Variants in SPATS2L observed in about 807,000 individuals in gnomAD.
SPATS2L encodes the protein SPATS2-like protein.
A neutral mutation model predicts 59.6 loss-of-function variants in SPATS2L; 30 were observed. The observed-to-expected ratio is 0.50, with a 90% confidence interval of 0.38 to 0.68. The LOEUF is 0.68. SPATS2L is among the 30% of genes least tolerant of loss of function. SPATS2L has a pLI of 0.00. For synonymous variants in SPATS2L, 252 were observed against 263.5 expected (o/e 0.96, Z 0.42); for missense variants, 615 against 700.0 (o/e 0.88, Z 1.37).
At chr2:200,420,473 T>C (rs578088831) in intron 6 of SPATS2L, among the ~76,000 whole-genome samples, 5 of 152,246 alleles carry the variant, frequency 3.3e-5, no homozygotes, top group Non-Finnish European at 7.3e-5. Context: ...ATATTGTGGA[T>C]ACTGTTTTAC....
intron 1 of SPATS2L, among the ~76,000 whole-genome samples, chr2:200,313,249 T>C (rs1417741106): frequency 6.6e-6 from 1 of 152,114 alleles, no homozygotes; most frequent in Non-Finnish European, 1.5e-5. Context: ...TTAGGAGCAG[T>C]TTGAAGGTGT....
At chr2:200,463,199 C>T (rs146269628) in intron 9 of SPATS2L, 189 of 152,202 alleles carry the variant, frequency 1.2e-3, no homozygotes, top group African/African-American at 4.2e-3. Context: ...TTTCTCCCCA[C>T]TAACTACAGA....
chr2:200,455,844 C>T (rs536609492), intron 8 of SPATS2L, among the ~76,000 whole-genome samples: 46 of 152,280 alleles, frequency 3.0e-4, no homozygotes, highest in South Asian at 1.9e-3. Flanking sequence ...AAGAAGATTC[C>T]ACAGAACATG....
intron 2 of SPATS2L, among the ~76,000 whole-genome samples, chr2:200,340,531 G>A (rs984316089): frequency 1.3e-5 from 2 of 152,126 alleles, no homozygotes; most frequent in Admixed American, 1.3e-4. Flanking sequence ...AGTGTTGCCA[G>A]CTGCCATCTT....
At chr2:200,457,187 C>T (rs536087480) in intron 8 of SPATS2L, among the ~76,000 whole-genome samples, 1 of 151,450 alleles carries the variant, frequency 6.6e-6, no homozygotes, top group East Asian at 1.9e-4. Context: ...TAGCAGTGCC[C>T]CTCTCTAAGA....
Position 200,412,303 on chromosome 2 carries a change from C to A in SPATS2L, c.40-8C>A. 3 of 1,385,984 alleles carry A rather than the reference C, an allele frequency of 2.2e-6. No homozygotes were observed. Among genetic ancestry groups the A allele is most frequent in the Non-Finnish European group, 2.9e-6 (3 of 1,032,906 alleles). 85.9% of individuals were successfully genotyped at this position (1,385,984 alleles called of 1,614,324 possible). ...ATTTCTATTTCTTTTTTTTTTTTTC[C>A]TTTACAGATCTATGCAGTTAGATCA... is the stretch of plus-strand genomic sequence containing the variant. On this transcript the variant is annotated splice_region_variant and splice_polypyrimidine_tract_variant and intron_variant, in intron 3 of 12. Coordinates refer to ENST00000409140, the MANE Select transcript of SPATS2L (RefSeq NM_001100423.2).
chr2:200,341,371 C>T (rs747513717), intron 2 of SPATS2L, among the ~76,000 whole-genome samples: 3 of 152,044 alleles, frequency 2.0e-5, no homozygotes, highest in African/African-American at 4.8e-5. Context: ...TCCTCATCTC[C>T]GAAATGGGAA....
chr2:200,404,056 G>A (rs1382202667), intron 3 of SPATS2L, among the ~76,000 whole-genome samples: 1 of 152,164 alleles, frequency 6.6e-6, no homozygotes, highest in Admixed American at 6.5e-5. Flanking sequence ...CATTCCACAT[G>A]GGTTTTGATG....
At chr2:200,382,699 C>T (rs1325565727) in intron 2 of SPATS2L, among the ~76,000 whole-genome samples, 1 of 152,006 alleles carries the variant, frequency 6.6e-6, no homozygotes, top group African/African-American at 2.4e-5. Context: ...GTTACTAGAT[C>T]TCTTTGTGCT....
chr2:200,470,730 T>C (rs2086963781), intron 11 of SPATS2L, among the ~76,000 whole-genome samples: 1 of 152,236 alleles, frequency 6.6e-6, no homozygotes, highest in Non-Finnish European at 1.5e-5. Flanking sequence ...CTGCACTTCC[T>C]ATTATGATAG....
At chr2:200,396,275 T>G (rs1276568971) in intron 3 of SPATS2L, among the ~76,000 whole-genome samples, 4 of 151,638 alleles carry the variant, frequency 2.6e-5, no homozygotes, top group Non-Finnish European at 5.9e-5. Context: ...GTGAATAGCT[T>G]TTAGAACTGT....
chr2:200,404,329 C>G (rs1453291242), intron 3 of SPATS2L, among the ~76,000 whole-genome samples: 3 of 152,168 alleles, frequency 2.0e-5, no homozygotes, highest in East Asian at 1.9e-4. Context: ...GAATAGGGAG[C>G]AGGTAAGATT....
Position 200,472,874 on chromosome 2 carries a change from G to A in SPATS2L, c.1103G>A (p.Ser368Asn), listed in dbSNP as rs1457145964. The A allele has an allele frequency of 1.2e-6, 2 of 1,613,946 alleles. No individual in the cohort carries two copies. The highest frequency in any genetic ancestry group is 2.2e-5 in the South Asian group (2 of 91,084). The stretch of plus-strand genomic sequence containing the variant: ...AACTATTCCTCAAGAACTCCCTGCA[G>A]CTCCCTGCTGCCTCTGCTGAATGCG... ...KNNYSSRTPC[S>N]SLLPLLNAHA... The change falls in exon 12 of 13, where the codon AGC (serine) becomes AAC (asparagine). Residue 368 changes from serine (S) to asparagine (N), a missense_variant. Physicochemically the swap from Ser to Asn is conservative, Grantham distance 46 (BLOSUM62 1). Coordinates refer to ENST00000409140, the MANE Select transcript of SPATS2L (RefSeq NM_001100423.2).
chr2:200,427,681 A>G (rs1438221874), intron 6 of SPATS2L, among the ~76,000 whole-genome samples: 1 of 152,146 alleles, frequency 6.6e-6, no homozygotes. Flanking sequence ...ATAATAAAGT[A>G]TATCTGTATT....
At chr2:200,330,792 C>T (rs1355723831) in intron 2 of SPATS2L, among the ~76,000 whole-genome samples, 1 of 152,158 alleles carries the variant, frequency 6.6e-6, no homozygotes, top group African/African-American at 2.4e-5. Flanking sequence ...GAATGAGATG[C>T]CTCCAGCTGC....
At chr2:200,306,086 C>T (rs2079003732), upstream of SPATS2L, 2 of 985,670 alleles carry the variant, frequency 2.0e-6, no homozygotes, top group African/African-American at 1.7e-5. Flanking sequence ...GAGGAGGCGG[C>T]GGAACACCCC....
At chr2:200,453,331 C>T (rs2085598269) in intron 8 of SPATS2L, among the ~76,000 whole-genome samples, 1 of 152,218 alleles carries the variant, frequency 6.6e-6, no homozygotes, top group Admixed American at 6.5e-5. Flanking sequence ...AATAAAGAAC[C>T]GTACGGTCTT....
chr2:200,461,275 C>T lies in SPATS2L; in HGVS notation c.847+1448C>T, dbSNP rs878903171. 6 of 152,168 alleles carry T rather than the reference C, an allele frequency of 3.9e-5. No individual in the cohort carries two copies. In the East Asian group the frequency reaches 5.8e-4, roughly 15 times the overall value. The allele number at this position is 152,168 out of a possible 1,614,324, so 9.4% of individuals were successfully genotyped here. On this transcript the variant is annotated intron_variant, in intron 9 of 12. Coordinates refer to ENST00000409140, the MANE Select transcript of SPATS2L (RefSeq NM_001100423.2). ...AAATTCTCTGTTTAAATAATGAACA[C>T]GCTCAAATTATCTTGATCATTGCAA...
At chr2:200,404,557 TTGGTGGGATAGGGA>T (rs916244284) in intron 3 of SPATS2L, among the ~76,000 whole-genome samples, 1 of 152,052 alleles carries the variant, frequency 6.6e-6, no homozygotes, top group Admixed American at 6.5e-5. Context: ...AAGGTAATAG[TTGGTGGGATAGGGA>T]AAGACATCTC....
Sources: gnomAD v4.1 joint callset for allele counts (sites outside exome capture counted in the v4.1 genomes callset) on GRCh38, gnomAD v4.1.1 for gene constraint, MANE v1.5 for transcripts, NCBI Gene and HGNC (gene_info 2026-07-23, HGNC 2026-07-21) for gene names.